Variants in RTF2 observed in about 807,000 individuals in gnomAD.
The protein encoded by RTF2 is UPF0549 protein C20orf43.
A neutral mutation model predicts 38.0 loss-of-function variants in RTF2; 18 were observed. That is an observed-to-expected ratio of 0.47 (90% CI 0.33 to 0.70). RTF2 has a LOEUF of 0.70. RTF2 is among the 30% of genes least tolerant of loss of function. The pLI, the probability that RTF2 is intolerant of heterozygous loss-of-function variation, is 0.02. For synonymous variants in RTF2, 126 were observed against 137.1 expected (o/e 0.92, Z 0.57); for missense variants, 311 against 379.6 (o/e 0.82, Z 1.50).
chr20:56,514,281 T>A (rs936435489), intron 6 of RTF2: 4 of 151,396 alleles, frequency 2.6e-5, no homozygotes, highest in African/African-American at 9.7e-5. Context: ...CAGCAGTAAA[T>A]GTTGTTCATG....
chr20:56,513,292 C>G (rs1164440799), intron 5 of RTF2, 23 bp from the exon 6 acceptor site: 2 of 1,572,580 alleles, frequency 1.3e-6, no homozygotes, highest in Non-Finnish European at 1.7e-6. Flanking sequence ...TGGAATCTGC[C>G]CTCTCTTGTT....
intron 5 of RTF2, among the ~76,000 whole-genome samples, chr20:56,508,557 T>TA (rs1984428598): frequency 6.6e-6 from 1 of 152,214 alleles, no homozygotes; most frequent in Non-Finnish European, 1.5e-5. Flanking sequence ...TAACATTTAA[T>TA]AGAGTTTTTC....
intron 5 of RTF2, among the ~76,000 whole-genome samples, chr20:56,507,281 C>G (rs997794526): frequency 2.2e-4 from 34 of 152,184 alleles, no homozygotes; most frequent in Admixed American, 1.6e-3. Context: ...TTCCCTCATC[C>G]TTCAGGGATG....
chr20:56,505,358 C>G (rs1048354813), intron 5 of RTF2, among the ~76,000 whole-genome samples: 2 of 151,720 alleles, frequency 1.3e-5, no homozygotes, highest in South Asian at 4.2e-4. Flanking sequence ...TATGGTGGTG[C>G]GCACCTGTAG....
chr20:56,498,563 T>C (rs547641084), intron 5 of RTF2, among the ~76,000 whole-genome samples: 1 of 152,314 alleles, frequency 6.6e-6, no homozygotes, highest in African/African-American at 2.4e-5. Flanking sequence ...GGTATCTTTA[T>C]CTAATAACAT....
intron 3 of RTF2, among the ~76,000 whole-genome samples, 197 bp downstream of exon 3, chr20:56,474,968 A>G (rs1289312533): frequency 6.6e-6 from 1 of 152,216 alleles, no homozygotes; most frequent in Non-Finnish European, 1.5e-5. Context: ...CCTACATTAT[A>G]AATCTGTTGT....
rs41274726 is a variant in RTF2, at chr20:56,472,391, G to A, written c.70-910G>A. 3,283 of 1,544,552 alleles carry A rather than the reference G, an allele frequency of 2.1e-3. 5 individuals carry two copies. Among genetic ancestry groups the A allele is most frequent in the Admixed American group, 3.0e-3 (151 of 50,970 alleles). ...ACAGTGAAGGAAAAAACAAGAACGGGAAGGAGTGGGACATGGAATATGATG... is the reference window on the plus strand; with the variant it reads ...ACAGTGAAGGAAAAAACAAGAACGGAAAGGAGTGGGACATGGAATATGATG... On this transcript the variant is annotated intron_variant, in intron 1 of 8. Coordinates refer to ENST00000357348, the MANE Select transcript of RTF2 (RefSeq NM_016407.5).
At chr20:56,486,729 T>C (rs1982814675) in intron 5 of RTF2, among the ~76,000 whole-genome samples, 2 of 152,134 alleles carry the variant, frequency 1.3e-5, no homozygotes, top group South Asian at 4.1e-4. Flanking sequence ...AATAAAAATA[T>C]TAAGATATTG....
At chr20:56,515,054 G>T (rs183266315) in intron 6 of RTF2, among the ~76,000 whole-genome samples, 1 of 148,322 alleles carries the variant, frequency 6.7e-6, no homozygotes, top group Non-Finnish European at 1.5e-5. Context: ...AAAAAAAGCC[G>T]CTTGGCCATT....
chr20:56,482,172 AT>A (rs1182214244), intron 4 of RTF2, among the ~76,000 whole-genome samples: 9 of 152,336 alleles, frequency 5.9e-5, no homozygotes, highest in African/African-American at 2.2e-4. Flanking sequence ...TAGTTTGTGT[AT>A]GGTCATCCCT....
rs138013563 is a variant in RTF2, at chr20:56,482,144, T to G, written c.399-1967T>G. Among the ~76,000 whole-genome samples the G allele has an allele frequency of 5.4e-4, 83 of 152,318 alleles. 1 individual carries two copies. The East Asian group carries it at 0.016, about 29-fold the overall frequency. Reference sequence around the variant, plus strand: ...TGTTATTGATAAGAGCCTCCACACTTGAAATTGATGATTGGATTAGTTTGT... The same window carrying G: ...TGTTATTGATAAGAGCCTCCACACTGGAAATTGATGATTGGATTAGTTTGT... On this transcript the variant is annotated intron_variant, in intron 4 of 8. Transcript: ENST00000357348.
intron 5 of RTF2, among the ~76,000 whole-genome samples, chr20:56,500,846 A>G (rs767018732): frequency 5.3e-5 from 8 of 152,096 alleles, no homozygotes; most frequent in Non-Finnish European, 7.4e-5. Flanking sequence ...CAGTGGTGTG[A>G]TCATGGCTCA....
chr20:56,505,724 T>G (rs945870850), intron 5 of RTF2, among the ~76,000 whole-genome samples: 2 of 152,066 alleles, frequency 1.3e-5, no homozygotes, highest in Non-Finnish European at 2.9e-5. Context: ...ACTTCCACAT[T>G]GCTGCGGGAA....
Position 56,518,127 on chromosome 20 carries a change from G to T in RTF2, c.783G>T (p.Pro261=), listed in dbSNP as rs144995597. 1 of 1,613,980 alleles carries T rather than the reference G, an allele frequency of 6.2e-7. No individual in the cohort carries two copies. The highest frequency in any genetic ancestry group is 8.5e-7 in the Non-Finnish European group (1 of 1,179,944). ...CTTCTGGAAAAGCTGGGAAGCCTCC[G>T]TGTGGAGCCACAAAGAGGTCCATCG... ...ESSSGKAGKP[P]CGATKRSIAD... Residue 261 remains proline, a synonymous_variant, in exon 9 of 9, where the codon CCG becomes CCT. Transcript: ENST00000357348.
chr20:56,474,472 ACT>A (rs1399591525), intron 2 of RTF2, among the ~76,000 whole-genome samples: 3 of 152,000 alleles, frequency 2.0e-5, no homozygotes, highest in Admixed American at 6.6e-5. Flanking sequence ...CAAGAGTGAA[ACT>A]CTCTCTCAAA....
chr20:56,474,589 G>A lies in RTF2; in HGVS notation c.165-89G>A, dbSNP rs1244339495. ...GGTATTTCTCTTATCAAATGTAAAC[G>A]ACTTTTGGATTGTGTTCAGTTTATT... On this transcript the variant is annotated intron_variant, in intron 2 of 8. Coordinates refer to ENST00000357348, the MANE Select transcript of RTF2 (RefSeq NM_016407.5). 3 of 731,518 alleles carry A rather than the reference G, an allele frequency of 4.1e-6. No homozygotes were observed. In the South Asian group the frequency reaches 6.9e-5, roughly 17 times the overall value. 45.3% of individuals were successfully genotyped at this position (731,518 alleles called of 1,614,324 possible).
chr20:56,517,109 C>T lies in RTF2; in HGVS notation c.650C>T (p.Ala217Val), dbSNP rs1276976285. ...SVSKPDVSEE[A>V]PGPSKVKTGK... is the part of the protein sequence containing the mutation. ...GCCTACTTTGTTTCTTTTACAGAAGCCCCAGGGCCATCAAAAGTTAAGACA... is the reference window on the plus strand; with the variant it reads ...GCCTACTTTGTTTCTTTTACAGAAGTCCCAGGGCCATCAAAAGTTAAGACA... The change falls in exon 8 of 9, where the codon GCC (alanine) becomes GTC (valine). Residue 217 changes from alanine to valine, a missense_variant. Coordinates refer to ENST00000357348, the MANE Select transcript of RTF2 (RefSeq NM_016407.5). 2 of 1,613,920 alleles carry T rather than the reference C, an allele frequency of 1.2e-6. No homozygotes were observed. The highest frequency in any genetic ancestry group is 1.6e-4 in the Middle Eastern group (1 of 6,084).
chr20:56,473,971 C>T (rs981995252), intron 2 of RTF2, among the ~76,000 whole-genome samples: 8 of 152,190 alleles, frequency 5.3e-5, no homozygotes, highest in African/African-American at 1.9e-4. Context: ...ATGGAGAATA[C>T]TGGAGGGTCC....
At chr20:56,479,920 C>T (rs1183362854) in intron 4 of RTF2, among the ~76,000 whole-genome samples, 1 of 149,118 alleles carries the variant, frequency 6.7e-6, no homozygotes, top group Non-Finnish European at 1.5e-5. Flanking sequence ...CTTGGTTCTT[C>T]CATTTCGAGA....
Sources: allele counts gnomAD v4.1 joint callset (sites outside exome capture counted in the v4.1 genomes callset), GRCh38; gene constraint gnomAD v4.1.1; transcripts MANE v1.5; gene names NCBI Gene and HGNC (gene_info 2026-07-23, HGNC 2026-07-21).